ZFHX3: variants seen among roughly 807,000 people sequenced by gnomAD.
ZFHX3 encodes zinc finger homeobox 3.
Under a neutral mutation model 279.1 loss-of-function variants are expected in ZFHX3, and 42 were observed. The observed-to-expected ratio is 0.15, with a 90% confidence interval of 0.12 to 0.19. ZFHX3 has a LOEUF of 0.19. Among genes scored for constraint, ZFHX3 ranks in the 10% least tolerant of loss-of-function variants. ZFHX3 has a pLI of 1.00. For missense variants in ZFHX3, 4,981 were observed against 4,754.0 expected (o/e 1.05, Z -1.40); for synonymous variants, 2,293 against 1,957.8 (o/e 1.17, Z -4.52).
At chr16:73,660,920 G>A (rs1025351666) in intron 2 of ZFHX3, among the ~76,000 whole-genome samples, 1 of 144,840 alleles carries the variant, frequency 6.9e-6, no homozygotes. Context: ...GGATCTATCT[G>A]TTCTACTAAT....
At chr16:73,546,502 G>GA (rs2020110380) in intron 2 of ZFHX3, among the ~76,000 whole-genome samples, 1 of 151,510 alleles carries the variant, frequency 6.6e-6, no homozygotes, top group African/African-American at 2.4e-5. Context: ...TTGGCGGGGG[G>GA]CGGGGGCGGG....
At chr16:73,550,260 C>A (rs1047160057) in intron 2 of ZFHX3, among the ~76,000 whole-genome samples, 3 of 152,146 alleles carry the variant, frequency 2.0e-5, no homozygotes, top group African/African-American at 7.2e-5. Flanking sequence ...CTGAGACACC[C>A]TCAGTAACAC....
chr16:73,368,704 C>T (rs987859184), intron 3 of ZFHX3, among the ~76,000 whole-genome samples: 7 of 152,270 alleles, frequency 4.6e-5, no homozygotes, highest in East Asian at 3.9e-4. Flanking sequence ...ATACCTATTT[C>T]GGTATGTAAT....
chr16:73,228,417 C>A lies in ZFHX3; in HGVS notation c.-1104+28630G>T, dbSNP rs546934406. ...GTGGCTCACGCGTATAATCCCAGCA[C>A]TTTGGGAGGCCCAGGTGGGCAGATC... On this transcript the variant is annotated intron_variant, in intron 5 of 17. Coordinates refer to the ZFHX3 transcript ENST00000641206. 2.0e-5 allele frequency among the ~76,000 whole-genome samples: 3 copies of A among 152,302 alleles called. No individual in the cohort carries two copies. The South Asian group carries it at 6.2e-4, about 32-fold the overall frequency.
At chr16:72,903,997 A>T (rs189951997) in intron 3 of ZFHX3, among the ~76,000 whole-genome samples, 23 of 152,312 alleles carry the variant, frequency 1.5e-4, no homozygotes, top group African/African-American at 5.5e-4. Flanking sequence ...CCTCCGCCAC[A>T]CCATCAACAG....
chr16:73,235,637 A>G (rs2144936607), intron 5 of ZFHX3, among the ~76,000 whole-genome samples: 1 of 151,838 alleles, frequency 6.6e-6, no homozygotes, highest in African/African-American at 2.4e-5. Flanking sequence ...CTGTTCCAAG[A>G]GGTGGTAGAG....
At chr16:73,874,944 A>G (rs2029900537) in intron 1 of ZFHX3, among the ~76,000 whole-genome samples, 1 of 152,224 alleles carries the variant, frequency 6.6e-6, no homozygotes, top group South Asian at 2.1e-4. Flanking sequence ...TATTTTATAT[A>G]CATACAGTTG....
At chr16:73,514,209 C>A (rs980585712) in intron 2 of ZFHX3, among the ~76,000 whole-genome samples, 3 of 151,928 alleles carry the variant, frequency 2.0e-5, no homozygotes, top group African/African-American at 7.3e-5. Context: ...GATTGCGCCC[C>A]TGCACCCCAG....
chr16:73,438,543 A>C (rs1489537903), intron 3 of ZFHX3, among the ~76,000 whole-genome samples: 8 of 152,244 alleles, frequency 5.3e-5, no homozygotes, highest in Admixed American at 2.0e-4. Flanking sequence ...ATACTTTTCC[A>C]TGTTGACAGG....
In ZFHX3 at chr16:73,290,015, C is replaced by CCACACACA. The variant is rs10564390; in HGVS notation, c.-1194+28217_-1194+28224dup. On this transcript the variant is annotated intron_variant, in intron 4 of 17. Transcript: ENST00000641206. The stretch of plus-strand genomic sequence containing the variant: ...ATAGGTATTAATTAGAGAGAAATAA[C>CCACACACA]CACACACACACACACACACACACAC... Among the ~76,000 whole-genome samples the CCACACACA allele has an allele frequency of 1.7e-3, 248 of 144,414 alleles. 1 individual carries two copies. Among genetic ancestry groups the CCACACACA allele is most frequent in the African/African-American group, 5.4e-3 (219 of 40,430 alleles). The allele number at this position is 144,414 out of a possible 152,430, so 94.7% of individuals were successfully genotyped here.
At position 73,021,844 on chromosome 16, in the gene ZFHX3, A is replaced by G. The variant is rs868747548; in HGVS notation, c.-50+25908T>C. 5.3e-3 allele frequency among the ~76,000 whole-genome samples: 801 copies of G among 151,756 alleles called. 8 individuals are homozygous for G. The highest frequency in any genetic ancestry group is 0.019 in the African/African-American group (780 of 41,330). On this transcript the variant is annotated intron_variant, in intron 1 of 9. Coordinates refer to ENST00000268489, the MANE Select transcript of ZFHX3 (RefSeq NM_006885.4). ...AGACTCCATCTCAAAAAAAAAAAAA[A>G]AAAAAAAAATCAATGACTGGTACCC...
At chr16:73,689,854 T>C (rs1331062957) in intron 1 of ZFHX3, among the ~76,000 whole-genome samples, 2 of 151,510 alleles carry the variant, frequency 1.3e-5, no homozygotes, top group Admixed American at 1.3e-4. Context: ...AGATGGAGTC[T>C]CGCTCTGTCG....
intron 4 of ZFHX3, among the ~76,000 whole-genome samples, chr16:73,259,091 T>A (rs2013742604): frequency 1.3e-5 from 2 of 152,232 alleles, no homozygotes; most frequent in African/African-American, 2.4e-5. Context: ...CACAATGGCT[T>A]GACATTTAGG....
chr16:72,912,681 A>G (rs371642323), intron 3 of ZFHX3, among the ~76,000 whole-genome samples: 1 of 152,216 alleles, frequency 6.6e-6, no homozygotes, highest in South Asian at 2.1e-4. Context: ...TGGGGCTTGC[A>G]CTTTTACTTC....
intron 1 of ZFHX3, among the ~76,000 whole-genome samples, chr16:73,745,172 AAT>A (rs1410707246): frequency 6.6e-6 from 1 of 152,162 alleles, no homozygotes; most frequent in African/African-American, 2.4e-5. Flanking sequence ...CTGGTTATAA[AAT>A]ATGTTTCTTG....
intron 4 of ZFHX3, among the ~76,000 whole-genome samples, chr16:72,837,123 A>C (rs1221396728): frequency 1.3e-5 from 2 of 152,194 alleles, no homozygotes; most frequent in African/African-American, 4.8e-5. Flanking sequence ...AATGGGACAG[A>C]GTGTGGGAAA....
At chr16:72,825,724 C>T (rs1370608320) in intron 5 of ZFHX3, among the ~76,000 whole-genome samples, 1 of 152,192 alleles carries the variant, frequency 6.6e-6, no homozygotes, top group Admixed American at 6.5e-5. Context: ...ACCTATGATG[C>T]ATTCTTTCAG....
At chr16:73,394,338 C>T (rs2017083563) in intron 3 of ZFHX3, among the ~76,000 whole-genome samples, 1 of 150,526 alleles carries the variant, frequency 6.6e-6, no homozygotes, top group Non-Finnish European at 1.5e-5. Context: ...GCTCTGTTGT[C>T]CAGGCTGGAG....
chr16:73,118,236 T>A (rs935210806), intron 7 of ZFHX3, among the ~76,000 whole-genome samples: 2 of 152,210 alleles, frequency 1.3e-5, no homozygotes, highest in Admixed American at 1.3e-4. Flanking sequence ...GTTGAGACAG[T>A]CTCACTCTGT....
Sources: gnomAD v4.1 joint callset for allele counts (sites outside exome capture counted in the v4.1 genomes callset) on GRCh38, gnomAD v4.1.1 for gene constraint, MANE v1.5 for transcripts, NCBI Gene and HGNC (gene_info 2026-07-23, HGNC 2026-07-21) for gene names.